SHANK2: variants seen among roughly 807,000 people sequenced by gnomAD.
SHANK2 encodes the protein SH3 and multiple ankyrin repeat domains 2, also known as SH3 and multiple ankyrin repeat domains protein 2.
SHANK2 carries 43 observed loss-of-function variants against 133.7 expected under a neutral mutation model. The ratio of observed to expected loss-of-function variants is 0.32; its 90% CI spans 0.25 to 0.41. The LOEUF is 0.41. SHANK2 is among the 10% of genes least tolerant of loss of function. The pLI is 1.00. For synonymous variants in SHANK2, 1,017 were observed against 952.8 expected (o/e 1.07, Z -1.24); for missense variants, 1,994 against 2,235.8 (o/e 0.89, Z 2.18).
chr11:71,086,089 TATTAA>T (rs1447035089), intron 8 of SHANK2, among the ~76,000 whole-genome samples: 46,613 of 67,842 alleles, frequency 0.69, 16,785 homozygotes, highest in Middle Eastern at 0.83. Context: ...TTATATAATA[TATTAA>T]ATTATATAAT....
intron 14 of SHANK2, among the ~76,000 whole-genome samples, chr11:70,775,284 C>T (rs550452599): frequency 7.5e-4 from 114 of 152,226 alleles, no homozygotes; most frequent in Admixed American, 1.4e-3. Context: ...GGTGAAACCC[C>T]GTCTCTACTA....
intron 23 of SHANK2, chr11:70,489,649 G>A: frequency 2.1e-6 from 1 of 483,648 alleles, no homozygotes. Flanking sequence ...GCTTCTACCA[G>A]AATTGACACA....
At chr11:70,732,100 C>T (rs923974591) in intron 14 of SHANK2, among the ~76,000 whole-genome samples, 10 of 152,178 alleles carry the variant, frequency 6.6e-5, no homozygotes, top group Admixed American at 6.5e-4. Context: ...TCCTGTGGCC[C>T]CAGCCTCACC....
intron 17 of SHANK2, among the ~76,000 whole-genome samples, chr11:70,533,626 C>T (rs1397392398): frequency 2.6e-5 from 4 of 152,220 alleles, no homozygotes; most frequent in Admixed American, 6.5e-5. Context: ...TTTTGGGGGA[C>T]ATGCATATTT....
At chr11:71,071,587 T>C (rs1374508780) in intron 9 of SHANK2, among the ~76,000 whole-genome samples, 2 of 152,184 alleles carry the variant, frequency 1.3e-5, no homozygotes, top group Non-Finnish European at 2.9e-5. Context: ...TGTACAACTA[T>C]GTGAGGGAGT....
chr11:70,746,601 G>A (rs1946644078), intron 14 of SHANK2, among the ~76,000 whole-genome samples: 2 of 152,144 alleles, frequency 1.3e-5, no homozygotes, highest in Admixed American at 6.5e-5. Context: ...GGGGATGCAG[G>A]GTGCCCCGTG....
At chr11:70,494,903 A>G (rs1313045597) in intron 21 of SHANK2, among the ~76,000 whole-genome samples, 11 of 152,104 alleles carry the variant, frequency 7.2e-5, no homozygotes, top group African/African-American at 2.4e-4. Context: ...CTGCTCATGC[A>G]TTCTCTCCTG....
rs533049778 is a variant in SHANK2 at position 70,598,888 on chromosome 11, G to A, written c.2061+60940C>T. On this transcript the variant is annotated intron_variant, in intron 17 of 25. Transcript: ENST00000601538. ...TAAATAAAAATCTCTTGCACACTAG[G>A]AAAAGAATAAAATACTTTAACCTGA... Among the ~76,000 whole-genome samples the A allele has an allele frequency of 5.4e-5, 5 of 92,546 alleles. No individual in the cohort carries two copies. In the South Asian group the frequency reaches 9.2e-4, roughly 17 times the overall value. 60.7% of individuals were successfully genotyped at this position (92,546 alleles called of 152,430 possible). A position where few individuals can be genotyped will look rare whatever the true frequency, so the allele number is the denominator to read the frequency against.
intron 14 of SHANK2, among the ~76,000 whole-genome samples, chr11:70,752,198 C>A (rs78974399): frequency 0.09 from 13,751 of 152,166 alleles, 806 homozygotes; most frequent in South Asian, 0.29. Context: ...ATCCCTCCCC[C>A]CTTGGCCTCC....
chr11:70,502,358 G>A, intron 18 of SHANK2, 72 bp from the exon 19 acceptor site: 4 of 1,422,386 alleles, frequency 2.8e-6, no homozygotes, highest in Non-Finnish European at 3.8e-6. Context: ...GGCTAGCAGT[G>A]GCCCTGTGGC....
At chr11:70,491,929 T>A (rs2058892044) in intron 22 of SHANK2, among the ~76,000 whole-genome samples, 1 of 152,138 alleles carries the variant, frequency 6.6e-6, no homozygotes, top group Non-Finnish European at 1.5e-5. Context: ...TCGGAGAGTG[T>A]GGGGGACTGC....
At chr11:70,805,711 A>C (rs1423209900) in intron 13 of SHANK2, among the ~76,000 whole-genome samples, 1 of 152,276 alleles carries the variant, frequency 6.6e-6, no homozygotes, top group Admixed American at 6.5e-5. Context: ...ACAAGGTAAT[A>C]GGAGATCTTG....
chr11:70,483,536 CAAAAAAAA>C lies in SHANK2; in HGVS notation c.4979+1770_4979+1777del, dbSNP rs10590898. ...ACACATGGTGAGACCTCATCTCTACCAAAAAAAAAAAAAAAAAAAAAAAAAATAGCTGG... is the reference window on the plus strand; with the variant it reads ...ACACATGGTGAGACCTCATCTCTACCAAAAAAAAAAAAAAAAAATAGCTGG... On this transcript the variant is annotated intron_variant, in intron 25 of 25. Transcript: ENST00000601538. Among the ~76,000 whole-genome samples, 197 of 44,544 alleles carry C rather than the reference CAAAAAAAA, an allele frequency of 4.4e-3. 1 individual carries two copies. Among genetic ancestry groups the C allele is most frequent in the African/African-American group, 0.014 (164 of 11,550 alleles). The allele number at this position is 44,544 out of a possible 152,430, so 29.2% of individuals were successfully genotyped here.
intron 17 of SHANK2, among the ~76,000 whole-genome samples, chr11:70,554,923 C>T (rs1366415742): frequency 8.9e-5 from 10 of 112,146 alleles, no homozygotes; most frequent in African/African-American, 1.3e-4. Context: ...TTTAACAAAT[C>T]GAAGGCCTGC....
chr11:71,229,765 G>GAAAAACAAAAAAAAAA (rs1954708362), intron 1 of SHANK2, among the ~76,000 whole-genome samples: 1 of 116,536 alleles, frequency 8.6e-6, no homozygotes, highest in Non-Finnish European at 1.9e-5. Context: ...TCTCAAAAAA[G>GAAAAACAAAAAAAAAA]AAAAAAAAAA....
chr11:71,227,130 A>C (rs1253618708), intron 1 of SHANK2, among the ~76,000 whole-genome samples: 1 of 152,136 alleles, frequency 6.6e-6, no homozygotes, highest in Non-Finnish European at 1.5e-5. Flanking sequence ...TCAAAATGGA[A>C]CCCTAAAAAA....
rs184136272 is a variant in SHANK2, at chr11:71,180,710, C to T, written c.-12-33372G>A. ...GTAAGCCACACTACACTAGGCCACACACCAATGTGGATCAAATGAATTTCA... is the reference window on the plus strand; with the variant it reads ...GTAAGCCACACTACACTAGGCCACATACCAATGTGGATCAAATGAATTTCA... On this transcript the variant is annotated intron_variant, in intron 2 of 25. Coordinates refer to ENST00000601538, the MANE Select transcript of SHANK2 (RefSeq NM_012309.5). Among the ~76,000 whole-genome samples the T allele has an allele frequency of 1.4e-4, 22 of 152,266 alleles. No homozygotes were observed. The East Asian group carries it at 4.1e-3, about 28-fold the overall frequency.
intron 23 of SHANK2, chr11:70,489,582 C>A: frequency 1.8e-6 from 1 of 571,210 alleles, no homozygotes; most frequent in Non-Finnish European, 3.1e-6. Context: ...CTGGGGTGGG[C>A]TGGGCAGACC....
At chr11:70,703,180 T>C (rs1240433572) in intron 14 of SHANK2, among the ~76,000 whole-genome samples, 1 of 152,082 alleles carries the variant, frequency 6.6e-6, no homozygotes, top group Admixed American at 6.5e-5. Flanking sequence ...ACACGTATTC[T>C]AGGTGTGTGT....
Sources: allele counts gnomAD v4.1 joint callset (sites outside exome capture counted in the v4.1 genomes callset), GRCh38; gene constraint gnomAD v4.1.1; transcripts MANE v1.5; gene names NCBI Gene and HGNC (gene_info 2026-07-23, HGNC 2026-07-21).